ABI2: variants seen among roughly 807,000 people sequenced by gnomAD.
ABI2 encodes the protein abelson interactor 2.
Under a neutral mutation model 59.2 loss-of-function variants are expected in ABI2, and 25 were observed. That is an observed-to-expected ratio of 0.42 (90% confidence interval 0.31 to 0.59). ABI2 has a LOEUF of 0.59. Among genes scored for constraint, ABI2 ranks in the 20% least tolerant of loss-of-function variants. The pLI is 0.14. For synonymous variants in ABI2, 213 were observed against 235.5 expected (o/e 0.90, Z 0.87); for missense variants, 545 against 681.8 (o/e 0.80, Z 2.23).
chr2:203,331,348 C>CTT (rs201209202), intron 1 of ABI2, among the ~76,000 whole-genome samples: 20 of 85,304 alleles, frequency 2.3e-4, no homozygotes, highest in African/African-American at 7.0e-4. Context: ...TCAATTTAGC[C>CTT]TTTTTTTTTT....
rs765659242 is a variant in ABI2 at position 203,367,015 on chromosome 2, A to G, written c.256A>G (p.Met86Val). ...LDIQASQLRRMESSINHISQT... is the reference protein window; with the variant it reads ...LDIQASQLRRVESSINHISQT... Reference sequence around the variant, plus strand: ...TATCCAGGCATCCCAGCTACGAAGGATGGAATCTTCAATCAATCATATTTC... The same window carrying G: ...TATCCAGGCATCCCAGCTACGAAGGGTGGAATCTTCAATCAATCATATTTC... The change falls in exon 2 of 12, where the codon ATG becomes GTG. Residue 86 changes from methionine to valine, a missense_variant. Physicochemically the swap from Met to Val is conservative, Grantham distance 21. Around this residue, in one of 4 missense-constraint regions of ABI2, gnomAD observed 36 missense variants for 80.0 expected, o/e 0.45. Coordinates refer to ENST00000261018, the MANE Select transcript of ABI2 (RefSeq NM_001375670.1). 1.7e-5 allele frequency: 28 copies of G among 1,613,720 alleles called. No homozygotes were observed. In the South Asian group the frequency reaches 3.0e-4, roughly 17 times the overall value.
At chr2:203,384,641 G>A (rs181175140) in intron 4 of ABI2, among the ~76,000 whole-genome samples, 1 of 151,884 alleles carries the variant, frequency 6.6e-6, no homozygotes, top group East Asian at 1.9e-4. Flanking sequence ...AGAATTTTAA[G>A]ACCCTGTTAC....
At chr2:203,332,754 A>G (rs1269339339) in intron 1 of ABI2, among the ~76,000 whole-genome samples, 1 of 152,192 alleles carries the variant, frequency 6.6e-6, no homozygotes, top group Non-Finnish European at 1.5e-5. Flanking sequence ...AGTTGTCTTA[A>G]TGTTTTGGTA....
intron 11 of ABI2, among the ~76,000 whole-genome samples, chr2:203,425,250 G>A (rs2098392665): frequency 6.6e-6 from 1 of 151,900 alleles, no homozygotes; most frequent in Non-Finnish European, 1.5e-5. Flanking sequence ...TGAGACAAGA[G>A]TCTCACTCTG....
intron 10 of ABI2, among the ~76,000 whole-genome samples, chr2:203,414,559 C>T (rs982785082): frequency 6.6e-6 from 1 of 152,182 alleles, no homozygotes; most frequent in African/African-American, 2.4e-5. Context: ...TCTATAGTAT[C>T]TTAAAGCACA....
chr2:203,346,980 ATTTGT>A (rs1226790750), intron 1 of ABI2, among the ~76,000 whole-genome samples: 1 of 152,120 alleles, frequency 6.6e-6, no homozygotes, highest in Non-Finnish European at 1.5e-5. Context: ...ATAAACTTGA[ATTTGT>A]TTTAATTTTG....
At chr2:203,348,642 CTT>C (rs1461973565) in intron 1 of ABI2, among the ~76,000 whole-genome samples, 1 of 151,990 alleles carries the variant, frequency 6.6e-6, no homozygotes, top group African/African-American at 2.4e-5. Context: ...TTTATTTTAT[CTT>C]ATTATTTTTT....
rs544253995 is a variant in ABI2, at chr2:203,407,641, T to G, written c.1193-3644T>G. 2.6e-5 allele frequency among the ~76,000 whole-genome samples: 4 copies of G among 152,344 alleles called. No individual in the cohort carries two copies. In the East Asian group the frequency reaches 7.7e-4, roughly 29 times the overall value. ...GATTGCTTGGAAAGCCTTTTACTGT[T>G]TATATCTAAACATTCTTGTATATTG... On this transcript the variant is annotated intron_variant, in intron 9 of 11. Coordinates refer to ENST00000261018, the MANE Select transcript of ABI2 (RefSeq NM_001375670.1).
chr2:203,422,836 C>G (rs1193618101), intron 11 of ABI2, among the ~76,000 whole-genome samples: 1 of 152,138 alleles, frequency 6.6e-6, no homozygotes, highest in Non-Finnish European at 1.5e-5. Context: ...AGTGGTTTAA[C>G]CAACTCTTCA....
In ABI2 at chr2:203,352,196, A is replaced by G. The variant is rs72940129; in HGVS notation, c.118-14681A>G. On this transcript the variant is annotated intron_variant, in intron 1 of 11. Transcript: ENST00000261018. ...CCAGGCTGGGTGGGGTGCTGCCCCC[A>G]TGCCTATAATCCCAGCTTTTTGGGA... Among the ~76,000 whole-genome samples the G allele has an allele frequency of 6.7e-3, 1,022 of 152,282 alleles. 5 individuals are homozygous for G. The highest frequency in any genetic ancestry group is 9.9e-3 in the Non-Finnish European group (675 of 68,014).
chr2:203,372,089 T>G (rs959621898), intron 2 of ABI2, among the ~76,000 whole-genome samples: 2 of 151,982 alleles, frequency 1.3e-5, no homozygotes, highest in Non-Finnish European at 2.9e-5. Flanking sequence ...TCCGCAGTGT[T>G]TGTGTCCCTG....
intron 1 of ABI2, among the ~76,000 whole-genome samples, chr2:203,349,113 A>AT (rs918353957): frequency 4.1e-4 from 56 of 138,182 alleles, no homozygotes; most frequent in Middle Eastern, 3.6e-3. Context: ...TTTTTTTTGT[A>AT]TTTTTTTTTT....
chr2:203,359,052 A>G (rs2092917446), intron 1 of ABI2, among the ~76,000 whole-genome samples: 1 of 152,116 alleles, frequency 6.6e-6, no homozygotes, highest in Non-Finnish European at 1.5e-5. Flanking sequence ...GGAGGGATCT[A>G]TGTCATGGTC....
At chr2:203,333,324 T>C (rs1360272017) in intron 1 of ABI2, among the ~76,000 whole-genome samples, 1 of 152,224 alleles carries the variant, frequency 6.6e-6, no homozygotes, top group Non-Finnish European at 1.5e-5. Flanking sequence ...AATATTTTTG[T>C]AGAAATGGGT....
At position 203,385,139 on chromosome 2, in the gene ABI2, C is replaced by CTTTTTTTTTTTT. The variant is rs10527327; in HGVS notation, c.480+2935_480+2946dup. On this transcript the variant is annotated intron_variant, in intron 4 of 11. Transcript: ENST00000261018. ...TGAGCCACCGCACCCGGCTCAGATT[C>CTTTTTTTTTTTT]TTTTTTTTTTTTTGAGACAGTCTTG... 4.7e-4 allele frequency among the ~76,000 whole-genome samples: 33 copies of CTTTTTTTTTTTT among 69,964 alleles called. 3 individuals are homozygous for CTTTTTTTTTTTT. Among genetic ancestry groups the CTTTTTTTTTTTT allele is most frequent in the African/African-American group, 9.1e-4 (19 of 20,990 alleles). 45.9% of individuals were successfully genotyped at this position (69,964 alleles called of 152,430 possible).
rs1405261736 is a variant in ABI2 at position 203,328,409 on chromosome 2, C to T, written c.-106C>T. 3.3e-6 allele frequency: 3 copies of T among 907,664 alleles called. No individual in the cohort carries two copies. Among genetic ancestry groups the T allele is most frequent in the Admixed American group, 2.3e-5 (1 of 43,692 alleles). 56.2% of individuals were successfully genotyped at this position (907,664 alleles called of 1,614,324 possible). ...GTTTCTCGCTCCTTCCGAGTTACCG[C>T]CGCCGTCGCCGCCGCTCCTCCTCTC... On this transcript the variant is annotated 5_prime_UTR_variant, in exon 1 of 12. Coordinates refer to ENST00000261018, the MANE Select transcript of ABI2 (RefSeq NM_001375670.1).
chr2:203,345,987 C>T (rs1406875280), intron 1 of ABI2, among the ~76,000 whole-genome samples: 1 of 151,666 alleles, frequency 6.6e-6, no homozygotes, highest in Non-Finnish European at 1.5e-5. Flanking sequence ...TAAGACTAGC[C>T]AGGACAACAT....
rs1419843716 is a variant in ABI2, at chr2:203,428,792, C to T, written c.*1440C>T. 2 of 152,220 alleles carry T rather than the reference C, an allele frequency of 1.3e-5. No homozygotes were observed. Among genetic ancestry groups the T allele is most frequent in the African/African-American group, 4.8e-5 (2 of 41,438 alleles). The allele number at this position is 152,220 out of a possible 1,614,324, so 9.4% of individuals were successfully genotyped here. On this transcript the variant is annotated 3_prime_UTR_variant, in exon 12 of 12. Coordinates refer to ENST00000261018, the MANE Select transcript of ABI2 (RefSeq NM_001375670.1). ...GGCCAGCTCCTGTTCAGGTCCAGAGCTGCTAACGTGGGTTCTACTCAGTCC... is the reference window on the plus strand; with the variant it reads ...GGCCAGCTCCTGTTCAGGTCCAGAGTTGCTAACGTGGGTTCTACTCAGTCC...
intron 1 of ABI2, among the ~76,000 whole-genome samples, chr2:203,351,269 C>T (rs1259622768): frequency 1.3e-5 from 2 of 152,106 alleles, no homozygotes; most frequent in Non-Finnish European, 2.9e-5. Context: ...AAAATTGTGA[C>T]GTATCTTCTA....
Sources: gnomAD v4.1 joint callset for allele counts (sites outside exome capture counted in the v4.1 genomes callset) on GRCh38, gnomAD v4.1.1 for gene constraint, gnomAD v4.1.1 regional missense constraint, MANE v1.5 for transcripts, NCBI Gene and HGNC (gene_info 2026-07-23, HGNC 2026-07-21) for gene names.